The following GATB variants were observed in gnomAD, a reference collection of about 807,000 sequenced individuals.
GATB encodes glutamyl-tRNA amidotransferase subunit B.
In GATB, 39 loss-of-function variants were observed where a neutral mutation model predicts 62.3. The observed-to-expected ratio is 0.63, with a 90% CI of 0.48 to 0.82. The LOEUF (loss-of-function observed/expected upper bound fraction) is 0.82. Among genes scored for constraint, GATB ranks in the 40% least tolerant of loss-of-function variants. The pLI, the probability that GATB is intolerant of heterozygous loss-of-function variation, is 0.00. For synonymous variants in GATB, 276 were observed against 258.9 expected, an observed-to-expected ratio of 1.07 and a Z score of -0.63; for missense variants, 670 against 684.0, an observed-to-expected ratio of 0.98 and a Z score of 0.23.
intron 9 of GATB, among the ~76,000 whole-genome samples, chr4:151,693,502 A>AC (rs34823859): frequency 8.6e-5 from 13 of 150,870 alleles, no homozygotes; most frequent in African/African-American, 1.9e-4. Flanking sequence ...AGGAAACACG[A>AC]CCCCCCCCTC....
chr4:151,743,947 C>T (rs1475827698), intron 2 of GATB, among the ~76,000 whole-genome samples: 1 of 152,184 alleles, frequency 6.6e-6, no homozygotes, highest in Non-Finnish European at 1.5e-5. Context: ...CTGACAGCAG[C>T]TTTAAAAACC....
chr4:151,670,738 A>AGTCT lies in GATB; in HGVS notation c.*432_*435dup, dbSNP rs1218373782. The stretch of plus-strand genomic sequence containing the variant: ...TCTGAAAACAATACATCCAAATTAC[A>AGTCT]GTCTCTCTTGACCACTGCTAATGCC... On this transcript the variant is annotated 3_prime_UTR_variant, in exon 13 of 13. Transcript: ENST00000263985. The AGTCT allele has an allele frequency of 6.4e-6, 1 of 155,784 alleles. No homozygotes were observed. The highest frequency in any genetic ancestry group is 1.4e-5 in the Non-Finnish European group (1 of 70,316). 9.7% of individuals were successfully genotyped at this position (155,784 alleles called of 1,614,324 possible).
intron 10 of GATB, among the ~76,000 whole-genome samples, chr4:151,687,435 C>T (rs1428511842): frequency 6.6e-6 from 1 of 152,252 alleles, no homozygotes; most frequent in Non-Finnish European, 1.5e-5. Flanking sequence ...GGAAGTTCTG[C>T]CAATTGAGAT....
chr4:151,758,591 T>C (rs1220823247), intron 2 of GATB, among the ~76,000 whole-genome samples, 181 bp downstream of exon 2: 1 of 152,236 alleles, frequency 6.6e-6, no homozygotes, highest in East Asian at 1.9e-4. Context: ...TATTCAGACT[T>C]AGAAACAGCA....
intron 5 of GATB, among the ~76,000 whole-genome samples, chr4:151,713,009 T>C (rs1432608900): frequency 6.6e-6 from 1 of 152,308 alleles, no homozygotes; most frequent in East Asian, 1.9e-4. Context: ...TGCATTACCA[T>C]CTGAGCTCCG....
intron 2 of GATB, among the ~76,000 whole-genome samples, chr4:151,733,393 A>C (rs1739306506): frequency 6.6e-6 from 1 of 152,198 alleles, no homozygotes; most frequent in African/African-American, 2.4e-5. Flanking sequence ...TTCCTGGAAA[A>C]ATACAACTCT....
chr4:151,699,978 T>A (rs1738566541), intron 9 of GATB, among the ~76,000 whole-genome samples: 1 of 152,174 alleles, frequency 6.6e-6, no homozygotes, highest in Non-Finnish European at 1.5e-5. Context: ...ATCTCCTATG[T>A]AATTTCACAA....
rs574443256 is a variant in GATB at position 151,719,573 on chromosome 4, C to T, written c.328-35G>A. On this transcript the variant is annotated intron_variant, in intron 2 of 12. Coordinates refer to ENST00000263985, the MANE Select transcript of GATB (RefSeq NM_004564.3). Reference sequence around the variant, plus strand: ...CACAACACACAGTTCCTCTCAGAACCGCAGGCTGAACAAATGCTTCTCCCA... The same window carrying T: ...CACAACACACAGTTCCTCTCAGAACTGCAGGCTGAACAAATGCTTCTCCCA... 1.2e-5 allele frequency: 17 copies of T among 1,414,332 alleles called. No homozygotes were observed. In the East Asian group the frequency reaches 1.8e-4, roughly 15 times the overall value. The allele number at this position is 1,414,332 out of a possible 1,614,324, so 87.6% of individuals were successfully genotyped here. A position where few individuals can be genotyped will look rare whatever the true frequency, so the allele number is the denominator to read the frequency against.
At chr4:151,719,708 C>A in intron 2 of GATB, 170 bp from the exon 3 acceptor site, 1 of 494,856 alleles carries the variant, frequency 2.0e-6, no homozygotes, top group Non-Finnish European at 3.5e-6. Context: ...GCCTGGGAAT[C>A]AGGGAAGGAT....
intron 5 of GATB, among the ~76,000 whole-genome samples, chr4:151,711,791 T>C (rs1283163943): frequency 6.6e-6 from 1 of 152,234 alleles, no homozygotes; most frequent in Admixed American, 6.5e-5. Flanking sequence ...ACTTGGTGAC[T>C]GTTCAATAAA....
intron 10 of GATB, among the ~76,000 whole-genome samples, chr4:151,687,612 T>A (rs747939811): frequency 2.1e-4 from 32 of 152,164 alleles, no homozygotes; most frequent in Non-Finnish European, 3.7e-4. Flanking sequence ...AATTCCTATA[T>A]TGAAGCGCGA....
chr4:151,682,610 C>T (rs1304068014), intron 10 of GATB, among the ~76,000 whole-genome samples: 1 of 151,956 alleles, frequency 6.6e-6, no homozygotes, highest in Non-Finnish European at 1.5e-5. Context: ...TTTGTCCAGT[C>T]CCTCAGAGCT....
At chr4:151,731,308 G>T (rs1206246297) in intron 2 of GATB, among the ~76,000 whole-genome samples, 1 of 152,236 alleles carries the variant, frequency 6.6e-6, no homozygotes, top group Non-Finnish European at 1.5e-5. Flanking sequence ...GTGGAGACGG[G>T]GTTTCGCCAT....
intron 5 of GATB, among the ~76,000 whole-genome samples, chr4:151,708,456 C>A (rs1415795892): frequency 6.6e-6 from 1 of 152,090 alleles, no homozygotes; most frequent in Admixed American, 6.5e-5. Context: ...ATTGACTCTG[C>A]AGTTTTATAC....
chr4:151,731,673 C>A (rs537605238), intron 2 of GATB, among the ~76,000 whole-genome samples: 305 of 152,074 alleles, frequency 2.0e-3, no homozygotes, highest in Non-Finnish European at 3.5e-3. Context: ...AAGTGAGGAG[C>A]GTCTCTGCCC....
At chr4:151,717,103 C>T (rs760713229) in intron 3 of GATB, 29 bp from the exon 4 acceptor site, 2 of 1,593,590 alleles carry the variant, frequency 1.3e-6, no homozygotes, top group Admixed American at 1.7e-5. Context: ...TAAACATAGT[C>T]ACTGGTCCAC....
chr4:151,679,448 T>C (rs1578895147), intron 11 of GATB, among the ~76,000 whole-genome samples: 1 of 151,846 alleles, frequency 6.6e-6, no homozygotes, highest in Non-Finnish European at 1.5e-5. Flanking sequence ...TGGGAGGCGG[T>C]GTGGGGGCGG....
chr4:151,726,660 G>C (rs1003914564), intron 2 of GATB, among the ~76,000 whole-genome samples: 1 of 152,212 alleles, frequency 6.6e-6, no homozygotes, highest in Non-Finnish European at 1.5e-5. Flanking sequence ...AAGAAGAGAA[G>C]TGTAGTCTGG....
At chr4:151,723,847 A>G (rs1025203720) in intron 2 of GATB, 1 of 152,252 alleles carries the variant, frequency 6.6e-6, no homozygotes, top group African/African-American at 2.4e-5. Flanking sequence ...AGATGAGATA[A>G]ATACACAGTG....
Sources: gnomAD v4.1 joint callset for allele counts (sites outside exome capture counted in the v4.1 genomes callset) on GRCh38, gnomAD v4.1.1 for gene constraint, MANE v1.5 for transcripts, NCBI Gene and HGNC (gene_info 2026-07-23, HGNC 2026-07-21) for gene names.